Variants in CELF2 observed in about 807,000 individuals in gnomAD.
CELF2 encodes CUG triplet repeat RNA-binding protein 2.
CELF2 carries 8 observed loss-of-function variants against 62.6 expected under a neutral mutation model. The observed-to-expected ratio is 0.13, with a 90% CI of 0.07 to 0.23. The LOEUF (loss-of-function observed/expected upper bound fraction) is 0.23, where lower values mean the gene tolerates loss of function less well. Among genes scored for constraint, CELF2 ranks in the 10% least tolerant of loss-of-function variants. The pLI is 1.00. For synonymous variants in CELF2, 258 were observed against 250.0 expected, an observed-to-expected ratio of 1.03 and a Z score of -0.30; for missense variants, 333 against 671.0, an observed-to-expected ratio of 0.50 and a Z score of 5.56.
intron 8 of CELF2, among the ~76,000 whole-genome samples, chr10:11,281,415 C>T (rs2088698916): frequency 6.6e-6 from 1 of 152,120 alleles, no homozygotes; most frequent in South Asian, 2.1e-4. Flanking sequence ...CAGCTAGAGC[C>T]AGTGGTTTGT....
the CELF2 span, among the ~76,000 whole-genome samples, chr10:10,540,405 G>A: frequency 6.6e-6 from 1 of 152,110 alleles, no homozygotes; most frequent in Non-Finnish European, 1.5e-5. Context: ...TTGCTTTGGG[G>A]GCTATTGCAA....
At chr10:10,828,640 A>G (rs555583146) in intron 1 of CELF2, among the ~76,000 whole-genome samples, 6 of 152,354 alleles carry the variant, frequency 3.9e-5, no homozygotes, top group South Asian at 2.1e-4. Context: ...AATGGTTTCA[A>G]TGGTCATTTT....
At chr10:11,079,069 A>G (rs1366375719) in intron 1 of CELF2, among the ~76,000 whole-genome samples, 2 of 152,040 alleles carry the variant, frequency 1.3e-5, no homozygotes, top group African/African-American at 2.4e-5. Context: ...GTATAAAACT[A>G]CTTACTCCTC....
At chr10:11,105,492 C>T (rs1776544484) in intron 1 of CELF2, 1 of 152,262 alleles carries the variant, frequency 6.6e-6, no homozygotes, top group African/African-American at 2.4e-5. Flanking sequence ...TTGGCCATGA[C>T]TTGATTATCT....
At chr10:10,763,429 A>G in the CELF2 span, among the ~76,000 whole-genome samples, 1 of 152,264 alleles carries the variant, frequency 6.6e-6, no homozygotes, top group Non-Finnish European at 1.5e-5. Flanking sequence ...GGCCCTCCAA[A>G]CTCACACAAC....
chr10:11,273,058 C>T (rs1329680332), intron 7 of CELF2, among the ~76,000 whole-genome samples: 2 of 152,200 alleles, frequency 1.3e-5, no homozygotes, highest in Admixed American at 6.5e-5. Context: ...CGCTCTCTTC[C>T]TCTTTCTGTG....
chr10:10,675,330 G>T, the CELF2 span, among the ~76,000 whole-genome samples: 1 of 152,098 alleles, frequency 6.6e-6, no homozygotes, highest in Non-Finnish European at 1.5e-5. Context: ...TGCTTGCGTG[G>T]TTTCTGAGAA....
chr10:11,281,778 TTGAG>T (rs2088903425), intron 8 of CELF2, among the ~76,000 whole-genome samples: 2 of 152,120 alleles, frequency 1.3e-5, no homozygotes, highest in South Asian at 4.1e-4. Context: ...GCCAAATTGA[TTGAG>T]AGAGCAAAAC....
At chr10:11,188,813 G>GT (rs1017755899) in intron 2 of CELF2, among the ~76,000 whole-genome samples, 4 of 151,964 alleles carry the variant, frequency 2.6e-5, no homozygotes, top group African/African-American at 9.7e-5. Flanking sequence ...TCACTAATGT[G>GT]TTTTTTTCTT....
chr10:10,688,283 A>C, the CELF2 span, among the ~76,000 whole-genome samples: 37,088 of 152,094 alleles, frequency 0.24, 4,732 homozygotes, highest in South Asian at 0.44. Flanking sequence ...GTAGGAGATA[A>C]AGTGCTTGTT....
intron 1 of CELF2, among the ~76,000 whole-genome samples, chr10:10,867,266 C>G (rs1462280519): frequency 6.6e-6 from 1 of 152,212 alleles, no homozygotes; most frequent in African/African-American, 2.4e-5. Context: ...GGGTGTGAGC[C>G]AGCTCCAGCA....
chr10:10,687,898 G>A, the CELF2 span, among the ~76,000 whole-genome samples: 34,639 of 152,126 alleles, frequency 0.23, 4,148 homozygotes, highest in South Asian at 0.43. Flanking sequence ...TCTGCAAATA[G>A]GAACAATGGA....
the CELF2 span, among the ~76,000 whole-genome samples, chr10:10,662,322 C>T: frequency 6.6e-6 from 1 of 152,210 alleles, no homozygotes; most frequent in Non-Finnish European, 1.5e-5. Context: ...CTCCAGTAGA[C>T]AGTTAGATAT....
the CELF2 span, among the ~76,000 whole-genome samples, chr10:10,675,784 T>A: frequency 1.3e-5 from 2 of 152,294 alleles, no homozygotes; most frequent in Non-Finnish European, 1.5e-5. Context: ...TGTTACTGTG[T>A]TTTTGATCTG....
At position 10,934,376 on chromosome 10, in the gene CELF2, C is replaced by T. The variant is rs1218334064; in HGVS notation, c.89+14377C>T. 6.6e-6 allele frequency: 1 copy of T among 152,186 alleles called. No individual in the cohort carries two copies. Among genetic ancestry groups the T allele is most frequent in the Non-Finnish European group, 1.5e-5 (1 of 68,048 alleles). 9.4% of individuals were successfully genotyped at this position (152,186 alleles called of 1,614,324 possible). On this transcript the variant is annotated intron_variant, in intron 2 of 13. Transcript: ENST00000636488. This position sits in a 1 kb window ranked among gnomAD's most constrained non-coding sequence, Gnocchi z 4.4. Reference sequence around the variant, plus strand: ...AACACCTAGCATAGTGCCTCCAGCACACAACAGATGCTCAAATATGCATCA... The same window carrying T: ...AACACCTAGCATAGTGCCTCCAGCATACAACAGATGCTCAAATATGCATCA...
At chr10:10,515,898 T>C in the CELF2 span, among the ~76,000 whole-genome samples, 7 of 152,212 alleles carry the variant, frequency 4.6e-5, no homozygotes, top group Non-Finnish European at 1.0e-4. Flanking sequence ...ATGATGTCAC[T>C]TAATTGGCAA....
chr10:10,765,220 C>T, the CELF2 span, among the ~76,000 whole-genome samples: 3 of 152,340 alleles, frequency 2.0e-5, no homozygotes, highest in South Asian at 6.2e-4. Context: ...GGAAAAATTG[C>T]CCCACGCTTC....
At chr10:10,724,790 A>G in the CELF2 span, among the ~76,000 whole-genome samples, 127 of 152,200 alleles carry the variant, frequency 8.3e-4, no homozygotes, top group African/African-American at 2.9e-3. Flanking sequence ...TCAAGTCCTT[A>G]CCTCCTGTAA....
At chr10:11,072,914 C>A (rs1417688695) in intron 1 of CELF2, among the ~76,000 whole-genome samples, 1 of 151,472 alleles carries the variant, frequency 6.6e-6, no homozygotes, top group African/African-American at 2.4e-5. Context: ...ACATAGAAAA[C>A]ATTTTTAATA....
Sources: gnomAD v4.1 joint callset for allele counts (sites outside exome capture counted in the v4.1 genomes callset) on GRCh38, gnomAD v4.1.1 for gene constraint, Gnocchi (gnomAD v3.1) non-coding constraint, MANE v1.5 for transcripts, NCBI Gene and HGNC (gene_info 2026-07-23, HGNC 2026-07-21) for gene names.